ABHD14B: variants seen among roughly 807,000 people sequenced by gnomAD.
ABHD14B encodes the protein putative protein-lysine deacylase ABHD14B.
In ABHD14B, 19 loss-of-function variants were observed where a neutral mutation model predicts 15.4. That is an observed-to-expected ratio of 1.23 (90% confidence interval 0.86 to 1.81). The LOEUF is 1.81. Ranked by LOEUF, ABHD14B falls within the 40% of genes most tolerant of loss-of-function variation. The pLI is 0.00. For synonymous variants in ABHD14B, 92 were observed against 117.3 expected (o/e 0.78, Z 1.39); for missense variants, 243 against 267.0 (o/e 0.91, Z 0.63).
rs138386847 is a variant in ABHD14B at position 51,968,928 on chromosome 3, A to C, written c.*498T>G. 254 of 158,296 alleles carry C rather than the reference A, an allele frequency of 1.6e-3. No individual in the cohort carries two copies. Among genetic ancestry groups the C allele is most frequent in the African/African-American group, 5.9e-3 (245 of 41,632 alleles). The allele number at this position is 158,296 out of a possible 1,614,324, so 9.8% of individuals were successfully genotyped here. ...AATGTGCATGCCAGTCCAGAGTTAG[A>C]TGTACCTATGCAGTTGCCCTCAAGC... On this transcript the variant is annotated 3_prime_UTR_variant, in exon 4 of 4. Coordinates refer to ENST00000361143, the MANE Select transcript of ABHD14B (RefSeq NM_001146314.2).
intron 3 of ABHD14B, 109 bp from the exon 4 acceptor site, chr3:51,969,714 A>T (rs1263872359): frequency 6.8e-7 from 1 of 1,461,532 alleles, no homozygotes; most frequent in Non-Finnish European, 9.4e-7. Flanking sequence ...TGAGGGAGAG[A>T]GACAAGCTGG....
chr3:51,971,599 G>A lies in ABHD14B; in HGVS notation c.72C>T (p.Ala24=). The change falls in exon 2 of 4, where the codon GCC becomes GCT. Residue 24 remains alanine (A), a synonymous_variant. Coordinates refer to ENST00000361143, the MANE Select transcript of ABHD14B (RefSeq NM_001146314.2). ...VQGQALFFRE[A]LPGSGQARFS... Reference sequence around the variant, plus strand: ...AGCGAGCCTGCCCACTGCCGGGCAGGGCCTCTCGGAAGAAGAGGGCCTGGC... The same window carrying A: ...AGCGAGCCTGCCCACTGCCGGGCAGAGCCTCTCGGAAGAAGAGGGCCTGGC... 2 of 1,613,470 alleles carry A rather than the reference G, an allele frequency of 1.2e-6. No individual in the cohort carries two copies. Among genetic ancestry groups the A allele is most frequent in the South Asian group, 2.2e-5 (2 of 91,074 alleles).
chr3:51,971,949 TAAGA>T, intron 1 of ABHD14B: 1 of 712,046 alleles, frequency 1.4e-6, no homozygotes, highest in Non-Finnish European at 1.9e-6. Context: ...ATTAAAAGTT[TAAGA>T]AAAATTATCG....
chr3:51,969,835 C>T (rs554454985), intron 3 of ABHD14B, 108 bp downstream of exon 3: 1 of 1,593,262 alleles, frequency 6.3e-7, no homozygotes, highest in Non-Finnish European at 8.6e-7. Flanking sequence ...GTGGTCAGCT[C>T]CTCCCAGAAG....
intron 3 of ABHD14B, 37 bp downstream of exon 3, chr3:51,969,906 C>T (rs1184212781): frequency 6.2e-7 from 1 of 1,614,172 alleles, no homozygotes; most frequent in Non-Finnish European, 8.5e-7. Flanking sequence ...CTTCCTTGCT[C>T]CTGGCAGGGG....
chr3:51,969,386 G>T lies in ABHD14B; in HGVS notation c.*40C>A. The T allele has an allele frequency of 6.4e-7, 1 of 1,572,406 alleles. No individual in the cohort carries two copies. The highest frequency in any genetic ancestry group is 8.6e-7 in the Non-Finnish European group (1 of 1,158,918). ...GAGAGAGCGTGCAAGAGAGAGCTCAGAGCAGGCAGGCAGCCCACCCCCTGC... is the reference window on the plus strand; with the variant it reads ...GAGAGAGCGTGCAAGAGAGAGCTCATAGCAGGCAGGCAGCCCACCCCCTGC... On this transcript the variant is annotated 3_prime_UTR_variant, in exon 4 of 4. Transcript: ENST00000361143.
At chr3:51,972,115 C>T (rs1021487338) in intron 1 of ABHD14B, among the ~76,000 whole-genome samples, 2 of 151,106 alleles carry the variant, frequency 1.3e-5, no homozygotes, top group Non-Finnish European at 2.9e-5. Context: ...GGTGTGGTGG[C>T]ACGTGCCTGT....
intron 2 of ABHD14B, chr3:51,970,619 G>C (rs1490096486): frequency 2.2e-6 from 1 of 460,136 alleles, no homozygotes; most frequent in African/African-American, 2.0e-5. Flanking sequence ...GCCCTGGATT[G>C]GGACAAGAGA....
chr3:51,972,639 G>T (rs528867212), intron 1 of ABHD14B, among the ~76,000 whole-genome samples: 3 of 152,178 alleles, frequency 2.0e-5, no homozygotes, highest in Non-Finnish European at 2.9e-5. Context: ...TATGTGGTGG[G>T]GCTCCATTAC....
Position 51,969,932 on chromosome 3 carries a change from C to T in ABHD14B, c.453+11G>A, listed in dbSNP as rs1478200266. The T allele has an allele frequency of 1.2e-6, 2 of 1,614,110 alleles. No homozygotes were observed. Among genetic ancestry groups the T allele is most frequent in the Admixed American group, 1.7e-5 (1 of 60,014 alleles). On this transcript the variant is annotated intron_variant, in intron 3 of 3. Transcript: ENST00000361143. The stretch of plus-strand genomic sequence containing the variant: ...CTGGCAGGGGCACCTCAGCTTCCCA[C>T]ACAAGGGTACCTTCACACTGGCATA...
chr3:51,970,362 G>A (rs751444976), intron 2 of ABHD14B, among the ~76,000 whole-genome samples, 178 bp from the exon 3 acceptor site: 66 of 152,200 alleles, frequency 4.3e-4, no homozygotes, highest in Non-Finnish European at 7.9e-4. Flanking sequence ...ATCGTGCCAA[G>A]CATGAGGCAC....
Position 51,969,368 on chromosome 3 carries a change from C to A in ABHD14B, c.*58G>T. On this transcript the variant is annotated 3_prime_UTR_variant, in exon 4 of 4. Transcript: ENST00000361143. ...CCAGAGCCTGGGAGAGAAGAGAGAGCGTGCAAGAGAGAGCTCAGAGCAGGC... is the reference window on the plus strand; with the variant it reads ...CCAGAGCCTGGGAGAGAAGAGAGAGAGTGCAAGAGAGAGCTCAGAGCAGGC... The A allele has an allele frequency of 6.6e-7, 1 of 1,521,908 alleles. No individual in the cohort carries two copies. The highest frequency in any genetic ancestry group is 1.3e-5 in the South Asian group (1 of 78,668). 94.3% of individuals were successfully genotyped at this position (1,521,908 alleles called of 1,614,324 possible).
At chr3:51,973,579 G>A (rs911186497) in intron 1 of ABHD14B, 8 of 312,448 alleles carry the variant, frequency 2.6e-5, no homozygotes, top group Admixed American at 4.8e-5. Flanking sequence ...GTGCAGTGGC[G>A]CAATCATGGA....
chr3:51,968,620 A>AG lies in ABHD14B; in HGVS notation c.*805dup, dbSNP rs1460429953. 1.3e-5 allele frequency: 2 copies of AG among 152,166 alleles called. No homozygotes were observed. The highest frequency in any genetic ancestry group is 4.8e-5 in the African/African-American group (2 of 41,380). The allele number at this position is 152,166 out of a possible 1,614,324, so 9.4% of individuals were successfully genotyped here. ...GAGATGCCTCAGGCCTGGTAACCTGAGGTGTAGAGCACCCAGAAGGAAGGG... is the reference window on the plus strand; with the variant it reads ...GAGATGCCTCAGGCCTGGTAACCTGAGGGTGTAGAGCACCCAGAAGGAAGGG... On this transcript the variant is annotated 3_prime_UTR_variant, in exon 4 of 4. Coordinates refer to ENST00000361143, the MANE Select transcript of ABHD14B (RefSeq NM_001146314.2).
chr3:51,973,932 G>A, intron 1 of ABHD14B, 33 bp downstream of exon 1: 2 of 1,289,836 alleles, frequency 1.6e-6, no homozygotes, highest in Non-Finnish European at 2.0e-6. Context: ...TTTGACTGGA[G>A]AGAAGAAAGG....
At chr3:51,970,541 A>G in intron 2 of ABHD14B, 1 of 526,696 alleles carries the variant, frequency 1.9e-6, no homozygotes, top group Admixed American at 2.2e-5. Flanking sequence ...CCCATCTGTT[A>G]AAGGGGGATA....
rs1009526162 is a variant in ABHD14B, at chr3:51,968,611, G to C, written c.*815C>G. ...AGCTTGGCTGAGATGCCTCAGGCCT[G>C]GTAACCTGAGGTGTAGAGCACCCAG... is the stretch of plus-strand genomic sequence containing the variant. On this transcript the variant is annotated 3_prime_UTR_variant, in exon 4 of 4. Transcript: ENST00000361143. The C allele has an allele frequency of 3.4e-5, 5 of 148,984 alleles. No individual in the cohort carries two copies. The highest frequency in any genetic ancestry group is 1.3e-4 in the African/African-American group (5 of 38,274). 9.2% of individuals were successfully genotyped at this position (148,984 alleles called of 1,614,324 possible).
At chr3:51,970,663 C>T (rs1375749458) in intron 2 of ABHD14B, 1 of 457,770 alleles carries the variant, frequency 2.2e-6, no homozygotes, top group Non-Finnish European at 4.4e-6. Flanking sequence ...GGGGTCGGTT[C>T]TGCAGCTCCT....
At chr3:51,973,430 C>T (rs1700699792) in intron 1 of ABHD14B, among the ~76,000 whole-genome samples, 1 of 151,956 alleles carries the variant, frequency 6.6e-6, no homozygotes, top group Non-Finnish European at 1.5e-5. Context: ...AAGTGATCCA[C>T]CCACCTTGGC....
Sources: gnomAD v4.1 joint callset for allele counts (sites outside exome capture counted in the v4.1 genomes callset) on GRCh38, gnomAD v4.1.1 for gene constraint, MANE v1.5 for transcripts, NCBI Gene and HGNC (gene_info 2026-07-23, HGNC 2026-07-21) for gene names.